Variants in DPYD observed in about 807,000 individuals in gnomAD.
DPYD encodes the protein dihydropyrimidine dehydrogenase [NADP(+)].
DPYD carries 109 observed loss-of-function variants against 116.2 expected under a neutral mutation model. The ratio of observed to expected loss-of-function variants is 0.94; its 90% CI spans 0.80 to 1.10. The LOEUF is 1.10. DPYD is among the 50% of genes least tolerant of loss of function. The probability of loss-of-function intolerance (pLI) is 0.00; values close to 1 mark genes in which losing one functional copy is unlikely to be tolerated. For missense variants in DPYD, 1,302 were observed against 1,254.5 expected (o/e 1.04, Z -0.57); for synonymous variants, 440 against 432.0 (o/e 1.02, Z -0.23).
rs2101975802 is a variant in DPYD at position 97,515,798 on chromosome 1, G to A, written c.1668C>T (p.Ser556=). Residue 556 remains serine (S), a synonymous_variant, in exon 13 of 23, where the codon AGC becomes AGT. Coordinates refer to ENST00000370192, the MANE Select transcript of DPYD (RefSeq NM_000110.4). ...CAAAAGCTCTTCGAATCATTGATGT[G>A]CTGGTGGCTGGAGTTGCGCTAGCAA... ...FGLASATPAT[S]TSMIRRAFEA... 2 of 1,612,954 alleles carry A rather than the reference G, an allele frequency of 1.2e-6. No individual in the cohort carries two copies. The highest frequency in any genetic ancestry group is 1.7e-6 in the Non-Finnish European group (2 of 1,179,306).
chr1:97,856,860 C>A (rs187564990), intron 2 of DPYD: 1 of 152,378 alleles, frequency 6.6e-6, no homozygotes, highest in Admixed American at 6.5e-5. Context: ...CTGGCATTGG[C>A]AGATGCTGCA....
At chr1:97,297,078 T>C (rs1162312483) in intron 18 of DPYD, among the ~76,000 whole-genome samples, 1 of 152,194 alleles carries the variant, frequency 6.6e-6, no homozygotes, top group Non-Finnish European at 1.5e-5. Flanking sequence ...GTTTTAATTG[T>C]AGGGTATTTG....
intron 11 of DPYD, among the ~76,000 whole-genome samples, chr1:97,550,708 A>G (rs1238294619): frequency 6.6e-6 from 1 of 152,132 alleles, no homozygotes; most frequent in Non-Finnish European, 1.5e-5. Context: ...CTTTACTCCA[A>G]CTCCAAAGAG....
At chr1:97,648,509 A>T (rs1202070833) in intron 8 of DPYD, among the ~76,000 whole-genome samples, 1 of 151,936 alleles carries the variant, frequency 6.6e-6, no homozygotes, top group Non-Finnish European at 1.5e-5. Flanking sequence ...TTTGACAATG[A>T]GGTTTAGAAA....
chr1:97,263,059 A>G (rs1476006969), intron 18 of DPYD, among the ~76,000 whole-genome samples: 1 of 152,078 alleles, frequency 6.6e-6, no homozygotes. Context: ...TGATTGCCAA[A>G]GCATGCTTGT....
chr1:97,667,599 C>T (rs972604896), intron 8 of DPYD, among the ~76,000 whole-genome samples: 3 of 152,038 alleles, frequency 2.0e-5, no homozygotes, highest in African/African-American at 7.2e-5. Context: ...GAAACTGGAA[C>T]TTTTTTTCAC....
chr1:97,508,552 A>G (rs182242908), intron 13 of DPYD, among the ~76,000 whole-genome samples: 288 of 152,136 alleles, frequency 1.9e-3, no homozygotes, highest in Non-Finnish European at 2.8e-3. Context: ...AGACAAGCAT[A>G]GGTGCCACTC....
At chr1:97,647,821 T>C (rs1281002103) in intron 8 of DPYD, among the ~76,000 whole-genome samples, 1 of 152,032 alleles carries the variant, frequency 6.6e-6, no homozygotes, top group Non-Finnish European at 1.5e-5. Context: ...ATAACCAAAA[T>C]TATGTCCAAA....
intron 12 of DPYD, among the ~76,000 whole-genome samples, chr1:97,526,907 T>C (rs1460008488): frequency 2.6e-5 from 4 of 152,154 alleles, no homozygotes; most frequent in African/African-American, 9.7e-5. Context: ...GATCCAGTGA[T>C]AAGTATTTTT....
At chr1:97,317,722 T>A (rs1667945115) in intron 16 of DPYD, among the ~76,000 whole-genome samples, 1 of 151,934 alleles carries the variant, frequency 6.6e-6, no homozygotes, top group African/African-American at 2.4e-5. Flanking sequence ...GGGGCACCAT[T>A]CTGCCCTGGA....
intron 18 of DPYD, among the ~76,000 whole-genome samples, chr1:97,263,410 T>A (rs2100858714): frequency 6.6e-6 from 1 of 152,238 alleles, no homozygotes; most frequent in Middle Eastern, 3.4e-3. Flanking sequence ...AAAATGTTAA[T>A]CTTTATTCAA....
intron 13 of DPYD, among the ~76,000 whole-genome samples, chr1:97,456,030 T>C (rs1266115277): frequency 2.6e-5 from 4 of 151,812 alleles, no homozygotes; most frequent in Non-Finnish European, 5.9e-5. Context: ...GCACTGACAT[T>C]GTAGAAATAA....
rs184130578 is a variant in DPYD at position 97,398,693 on chromosome 1, C to A, written c.1906-16232G>T. 7.5e-4 allele frequency among the ~76,000 whole-genome samples: 114 copies of A among 152,196 alleles called. 2 individuals carry two copies. The East Asian group carries it at 0.02, about 27-fold the overall frequency. ...GTTTTGATTTGCATTTCTCTGATGG[C>A]CAGTGATGATGAGCATTTTTTCATT... On this transcript the variant is annotated intron_variant, in intron 14 of 22. Coordinates refer to ENST00000370192, the MANE Select transcript of DPYD (RefSeq NM_000110.4).
chr1:97,539,608 G>A (rs1650276566), intron 12 of DPYD, among the ~76,000 whole-genome samples: 1 of 151,996 alleles, frequency 6.6e-6, no homozygotes, highest in East Asian at 1.9e-4. Flanking sequence ...AAAATATAGA[G>A]AATTGAAAAC....
chr1:97,087,464 A>G (rs1557855191), intron 21 of DPYD, among the ~76,000 whole-genome samples: 1 of 152,178 alleles, frequency 6.6e-6, no homozygotes, highest in Non-Finnish European at 1.5e-5. Flanking sequence ...GAAGTATTAG[A>G]TTGGCCGGCG....
chr1:97,195,237 T>G (rs557456189), intron 19 of DPYD, among the ~76,000 whole-genome samples: 2 of 151,988 alleles, frequency 1.3e-5, no homozygotes, highest in African/African-American at 2.4e-5. Flanking sequence ...TATCCTGTTT[T>G]CCCAGATGTT....
intron 22 of DPYD, 105 bp downstream of exon 22, chr1:97,082,225 G>A: frequency 1.5e-6 from 2 of 1,366,170 alleles, no homozygotes; most frequent in Non-Finnish European, 2.1e-6. Context: ...AGCAATATTT[G>A]GCACCACTGG....
intron 18 of DPYD, chr1:97,279,933 T>C (rs912398333): frequency 7.2e-5 from 11 of 152,348 alleles, no homozygotes; most frequent in Middle Eastern, 3.4e-3. Flanking sequence ...CTACCATTCA[T>C]CCACTGATCC....
At chr1:97,791,175 C>T (rs939123910) in intron 3 of DPYD, among the ~76,000 whole-genome samples, 12 of 152,172 alleles carry the variant, frequency 7.9e-5, no homozygotes, top group African/African-American at 2.9e-4. Context: ...TTATTAAATG[C>T]TTTCCACAAC....
Sources: gnomAD v4.1 joint callset for allele counts (sites outside exome capture counted in the v4.1 genomes callset) on GRCh38, gnomAD v4.1.1 for gene constraint, MANE v1.5 for transcripts, NCBI Gene and HGNC (gene_info 2026-07-23, HGNC 2026-07-21) for gene names.